Variants in THSD4 observed in about 807,000 individuals in gnomAD.
THSD4 encodes the protein thrombospondin type 1 domain containing 4.
THSD4 carries 69 observed loss-of-function variants against 119.0 expected under a neutral mutation model. The observed-to-expected ratio is 0.58, with a 90% CI of 0.48 to 0.71. The LOEUF is 0.71. THSD4 is among the 30% of genes least tolerant of loss of function. The pLI, the probability that THSD4 is intolerant of heterozygous loss-of-function variation, is 0.00. For missense variants in THSD4, 1,393 were observed against 1,391.1 expected (o/e 1.00, Z -0.02); for synonymous variants, 524 against 540.4 (o/e 0.97, Z 0.42).
At chr15:71,510,707 G>A (rs56081634) in intron 7 of THSD4, among the ~76,000 whole-genome samples, 25,649 of 152,130 alleles carry the variant, frequency 0.17, 2,261 homozygotes, top group Non-Finnish European at 0.19. Context: ...TACGGACCAC[G>A]GTCTCTCTAC....
intron 5 of THSD4, among the ~76,000 whole-genome samples, chr15:71,250,450 G>T (rs775709588): frequency 6.6e-6 from 1 of 152,084 alleles, no homozygotes; most frequent in Non-Finnish European, 1.5e-5. Context: ...CAATCCTTCT[G>T]CCTCAGCCTA....
At chr15:71,173,105 T>A (rs927943809) in intron 3 of THSD4, among the ~76,000 whole-genome samples, 2 of 152,150 alleles carry the variant, frequency 1.3e-5, no homozygotes, top group African/African-American at 4.8e-5. Flanking sequence ...ACAGATGATA[T>A]GATCTTGTAT....
intron 6 of THSD4, among the ~76,000 whole-genome samples, chr15:71,368,947 C>T (rs1244177283): frequency 6.6e-6 from 1 of 152,050 alleles, no homozygotes; most frequent in Non-Finnish European, 1.5e-5. Flanking sequence ...TGTTTGTGTC[C>T]TCTTTTATTT....
intron 8 of THSD4, among the ~76,000 whole-genome samples, chr15:71,727,852 ACC>A (rs1167753572): frequency 6.7e-6 from 1 of 149,162 alleles, no homozygotes; most frequent in African/African-American, 2.5e-5. Context: ...GATATAAATC[ACC>A]CATATTCATA....
At chr15:71,230,819 C>T (rs1004604886) in intron 4 of THSD4, among the ~76,000 whole-genome samples, 1 of 152,246 alleles carries the variant, frequency 6.6e-6, no homozygotes, top group Admixed American at 6.5e-5. Context: ...GGAAGCATCT[C>T]TCTTTTAAAC....
rs1463427632 is a variant in THSD4, at chr15:71,782,082, C to G, written c.*4708C>G. 3.3e-5 allele frequency: 5 copies of G among 152,222 alleles called. No individual in the cohort carries two copies. Among genetic ancestry groups the G allele is most frequent in the African/African-American group, 1.2e-4 (5 of 41,426 alleles). The allele number at this position is 152,222 out of a possible 1,614,324, so 9.4% of individuals were successfully genotyped here. ...AGCGGCAGGATGGGGGGCTGCCTGC[C>G]CAGGGTCTCTCACCGTGGTGTAAGC... On this transcript the variant is annotated 3_prime_UTR_variant, in exon 18 of 18. Transcript: ENST00000261862.
intron 4 of THSD4, among the ~76,000 whole-genome samples, chr15:71,227,148 C>G (rs896921649): frequency 6.6e-6 from 1 of 152,214 alleles, no homozygotes; most frequent in African/African-American, 2.4e-5. Flanking sequence ...AGATTTTAAG[C>G]TTGAGTTACT....
intron 1 of THSD4, among the ~76,000 whole-genome samples, chr15:71,117,502 A>T (rs1433280736): frequency 6.6e-6 from 1 of 152,118 alleles, no homozygotes; most frequent in Non-Finnish European, 1.5e-5. Context: ...CAACACTCCC[A>T]TTCTGTCCCC....
intron 7 of THSD4, among the ~76,000 whole-genome samples, chr15:71,638,316 G>A (rs1355950201): frequency 2.6e-5 from 4 of 152,174 alleles, no homozygotes; most frequent in African/African-American, 9.7e-5. Context: ...TTGGATATTT[G>A]TGGGCCCTTG....
rs2045271119 is a variant in THSD4, at chr15:71,321,670, G to A, written c.1015+64955G>A. Reference sequence around the variant, plus strand: ...AAGAATAGATTTATTTAATAACTAAGTTATTAAAATATTAAAAGCAGTTAT... The same window carrying A: ...AAGAATAGATTTATTTAATAACTAAATTATTAAAATATTAAAAGCAGTTAT... On this transcript the variant is annotated intron_variant, in intron 6 of 17. Transcript: ENST00000261862. Among the ~76,000 whole-genome samples, 3 of 152,142 alleles carry A rather than the reference G, an allele frequency of 2.0e-5. No individual in the cohort carries two copies. In the South Asian group the frequency reaches 6.2e-4, roughly 32 times the overall value.
intron 1 of THSD4, among the ~76,000 whole-genome samples, chr15:71,136,779 G>T (rs1164349967): frequency 6.6e-6 from 1 of 152,106 alleles, no homozygotes; most frequent in South Asian, 2.1e-4. Flanking sequence ...TCCAGGAGGG[G>T]GTCCTCCAGG....
intron 8 of THSD4, among the ~76,000 whole-genome samples, chr15:71,727,071 C>G (rs983375506): frequency 2.6e-5 from 4 of 152,244 alleles, no homozygotes; most frequent in Non-Finnish European, 5.9e-5. Context: ...ACACCTTGTT[C>G]CTTGCCCCCT....
chr15:71,709,665 T>C (rs2141088810), intron 8 of THSD4, among the ~76,000 whole-genome samples: 1 of 152,330 alleles, frequency 6.6e-6, no homozygotes, highest in East Asian at 1.9e-4. Context: ...TGGATTTGAC[T>C]TGTTATCCCA....
At chr15:71,576,927 T>C (rs1177101997) in intron 7 of THSD4, among the ~76,000 whole-genome samples, 1 of 152,192 alleles carries the variant, frequency 6.6e-6, no homozygotes, top group Non-Finnish European at 1.5e-5. Context: ...ATCAACCTTA[T>C]AATGTCTTTT....
chr15:71,415,449 T>TAA (rs2046746777), intron 7 of THSD4, among the ~76,000 whole-genome samples: 1 of 152,244 alleles, frequency 6.6e-6, no homozygotes, highest in Admixed American at 6.5e-5. Flanking sequence ...GTACATGAGA[T>TAA]AATTTGATAC....
At chr15:71,282,211 G>A (rs1027093584) in intron 6 of THSD4, among the ~76,000 whole-genome samples, 4 of 151,930 alleles carry the variant, frequency 2.6e-5, no homozygotes, top group Admixed American at 2.6e-4. Flanking sequence ...TTTTGATTTT[G>A]TTCTCTCTGT....
intron 15 of THSD4, among the ~76,000 whole-genome samples, chr15:71,763,983 C>T (rs1248073730): frequency 1.3e-5 from 2 of 152,042 alleles, no homozygotes; most frequent in African/African-American, 2.4e-5. Context: ...GGGATGATCA[C>T]TTGAGTCTGG....
chr15:71,267,024 G>A (rs1437376900), intron 6 of THSD4, among the ~76,000 whole-genome samples: 3 of 152,170 alleles, frequency 2.0e-5, no homozygotes, highest in Admixed American at 1.3e-4. Flanking sequence ...ATGGAACCAA[G>A]TTGGAAAACA....
At chr15:71,535,669 A>G (rs1447115836) in intron 7 of THSD4, among the ~76,000 whole-genome samples, 1 of 152,130 alleles carries the variant, frequency 6.6e-6, no homozygotes, top group Non-Finnish European at 1.5e-5. Context: ...TTTGATTTGC[A>G]TTTCCCTAAT....
Sources: allele counts gnomAD v4.1 joint callset (sites outside exome capture counted in the v4.1 genomes callset), GRCh38; gene constraint gnomAD v4.1.1; transcripts MANE v1.5; gene names NCBI Gene and HGNC (gene_info 2026-07-23, HGNC 2026-07-21).